The following SLC25A42 variants were observed in gnomAD, a reference collection of about 807,000 sequenced individuals.
SLC25A42 encodes mitochondrial coenzyme A transporter SLC25A42.
Under a neutral mutation model 34.7 loss-of-function variants are expected in SLC25A42, and 19 were observed. The observed-to-expected ratio is 0.55, with a 90% confidence interval of 0.38 to 0.80. The LOEUF (loss-of-function observed/expected upper bound fraction) is 0.80. SLC25A42 is among the 30% of genes least tolerant of loss of function. SLC25A42 has a pLI of 0.00. For synonymous variants in SLC25A42, 205 were observed against 191.2 expected, an observed-to-expected ratio of 1.07 and a Z score of -0.59; for missense variants, 364 against 441.3, an observed-to-expected ratio of 0.82 and a Z score of 1.57.
At chr19:19,102,636 CT>C (rs760631474) in intron 3 of SLC25A42, among the ~76,000 whole-genome samples, 8 of 152,008 alleles carry the variant, frequency 5.3e-5, no homozygotes, top group Non-Finnish European at 1.5e-5. Context: ...CCCAGCTACT[CT>C]GGAGGCTGAG....
At chr19:19,089,533 A>AAAT (rs201259877) in intron 1 of SLC25A42, among the ~76,000 whole-genome samples, 7 of 147,800 alleles carry the variant, frequency 4.7e-5, no homozygotes, top group South Asian at 2.1e-4. Flanking sequence ...ATCTCAAAAA[A>AAAT]AATAATAATA....
chr19:19,104,411 T>C (rs2059814810), intron 3 of SLC25A42, among the ~76,000 whole-genome samples: 1 of 152,144 alleles, frequency 6.6e-6, no homozygotes, highest in Non-Finnish European at 1.5e-5. Flanking sequence ...TCTGGGTCTC[T>C]CCCAAGAGTG....
chr19:19,101,636 C>A, intron 2 of SLC25A42, 145 bp from the exon 3 acceptor site: 1 of 667,760 alleles, frequency 1.5e-6, no homozygotes, highest in Non-Finnish European at 2.5e-6. Context: ...ACAGATCACC[C>A]AGAACCAAGC....
chr19:19,095,350 A>G (rs2059758995), intron 1 of SLC25A42, among the ~76,000 whole-genome samples: 1 of 152,094 alleles, frequency 6.6e-6, no homozygotes, highest in East Asian at 1.9e-4. Flanking sequence ...GCGGTGGCTC[A>G]TGCCTGTAAT....
intron 1 of SLC25A42, among the ~76,000 whole-genome samples, chr19:19,083,141 T>A (rs1359322052): frequency 6.6e-5 from 10 of 152,036 alleles, no homozygotes; most frequent in Admixed American, 6.6e-4. Context: ...TTGTACAAAA[T>A]GAGATTTCAC....
At chr19:19,092,044 G>A (rs2059740673) in intron 1 of SLC25A42, among the ~76,000 whole-genome samples, 1 of 152,198 alleles carries the variant, frequency 6.6e-6, no homozygotes, top group South Asian at 2.1e-4. Context: ...AGCTGGAACA[G>A]AAGCAGGCCG....
chr19:19,098,580 G>T (rs1411458196), intron 2 of SLC25A42, among the ~76,000 whole-genome samples: 1 of 149,166 alleles, frequency 6.7e-6, no homozygotes, highest in Non-Finnish European at 1.5e-5. Flanking sequence ...TGGTGGCAGA[G>T]TGGGATCCTA....
At chr19:19,106,804 G>GC (rs2059832072) in intron 6 of SLC25A42, 2 of 152,258 alleles carry the variant, frequency 1.3e-5, no homozygotes, top group African/African-American at 2.4e-5. Flanking sequence ...GTGGTGACAC[G>GC]CACCTGTACT....
chr19:19,105,073 G>A (rs1389020218), intron 4 of SLC25A42, 135 bp downstream of exon 4: 3 of 1,088,424 alleles, frequency 2.8e-6, no homozygotes, highest in Non-Finnish European at 4.1e-6. Context: ...TCCCAGCTCT[G>A]CCTGGACACA....
chr19:19,092,224 A>G (rs2059741783), intron 1 of SLC25A42, among the ~76,000 whole-genome samples: 1 of 152,132 alleles, frequency 6.6e-6, no homozygotes, highest in African/African-American at 2.4e-5. Flanking sequence ...CCTTAATCAC[A>G]TCTGCACAGA....
At chr19:19,100,923 C>T (rs1029925346) in intron 2 of SLC25A42, among the ~76,000 whole-genome samples, 2 of 152,214 alleles carry the variant, frequency 1.3e-5, no homozygotes, top group African/African-American at 4.8e-5. Context: ...CTCTCCCCTG[C>T]TTCTCAATGA....
In SLC25A42 at chr19:19,081,125, A is replaced by T. The variant is rs1011341711; in HGVS notation, c.-34-14966A>T. Among the ~76,000 whole-genome samples, 1 of 152,052 alleles carries T rather than the reference A, an allele frequency of 6.6e-6. No individual in the cohort carries two copies. The highest frequency in any genetic ancestry group is 1.5e-5 in the Non-Finnish European group (1 of 68,012). ...AGTGAGACCCTGAAAAAATAAAAAA[A>T]AGAAGAAAGAAAGAATAAAGAAAAG... On this transcript the variant is annotated intron_variant, in intron 1 of 7. Transcript: ENST00000318596. This position sits in a 1 kb window ranked among gnomAD's most constrained non-coding sequence, Gnocchi z 4.5.
At chr19:19,087,077 G>T (rs116317041) in intron 1 of SLC25A42, among the ~76,000 whole-genome samples, 2 of 151,952 alleles carry the variant, frequency 1.3e-5, no homozygotes, top group African/African-American at 2.4e-5. Flanking sequence ...CTTGCCTTCC[G>T]TAACTGTAAC....
intron 1 of SLC25A42, among the ~76,000 whole-genome samples, chr19:19,090,225 C>T (rs1310557032): frequency 6.6e-6 from 1 of 152,102 alleles, no homozygotes; most frequent in Non-Finnish European, 1.5e-5. Context: ...AGTTTCACCC[C>T]TTCTTGAAAG....
At position 19,081,941 on chromosome 19, in the gene SLC25A42, G is replaced by A. The variant is rs2059683765; in HGVS notation, c.-34-14150G>A. The stretch of plus-strand genomic sequence containing the variant: ...CTCAGGGAGGCCGACCTGATCACCT[G>A]GTCACTGGTCGCAAGTCTGGGTACA... On this transcript the variant is annotated intron_variant, in intron 1 of 7. Transcript: ENST00000318596. The surrounding 1 kb of genome is among the most constrained non-coding windows in gnomAD (Gnocchi z 4.5). Among the ~76,000 whole-genome samples the A allele has an allele frequency of 6.6e-6, 1 of 152,170 alleles. No homozygotes were observed. The highest frequency in any genetic ancestry group is 1.5e-5 in the Non-Finnish European group (1 of 68,010).
intron 1 of SLC25A42, among the ~76,000 whole-genome samples, chr19:19,071,244 C>A (rs1280147892): frequency 6.6e-6 from 1 of 152,000 alleles, no homozygotes; most frequent in African/African-American, 2.4e-5. Flanking sequence ...TGGGTTCAAG[C>A]CATCCTCCCG....
chr19:19,100,018 G>A (rs900413292), intron 2 of SLC25A42, among the ~76,000 whole-genome samples: 1 of 151,726 alleles, frequency 6.6e-6, no homozygotes, highest in African/African-American at 2.4e-5. Context: ...ATGAGACACA[G>A]TGCCCAGCCC....
chr19:19,106,601 G>A (rs2059829963), intron 6 of SLC25A42: 2 of 412,670 alleles, frequency 4.8e-6, no homozygotes, highest in South Asian at 3.7e-5. Context: ...TCAAACCAAG[G>A]GTCTTCATTT....
chr19:19,093,417 T>C (rs1016496663), intron 1 of SLC25A42, among the ~76,000 whole-genome samples: 1 of 152,238 alleles, frequency 6.6e-6, no homozygotes, highest in Non-Finnish European at 1.5e-5. Context: ...CACAGTGCTG[T>C]GCTGCATTTG....
Sources: allele counts gnomAD v4.1 joint callset (sites outside exome capture counted in the v4.1 genomes callset), GRCh38; gene constraint gnomAD v4.1.1; non-coding constraint Gnocchi (gnomAD v3.1); transcripts MANE v1.5; gene names NCBI Gene and HGNC (gene_info 2026-07-23, HGNC 2026-07-21).